The following CRMP1 variants were observed in gnomAD, a reference collection of about 807,000 sequenced individuals.
CRMP1 encodes dihydropyrimidinase-related protein 1.
A neutral mutation model predicts 68.3 loss-of-function variants in CRMP1; 19 were observed. The observed-to-expected ratio is 0.28, with a 90% CI of 0.19 to 0.41. The LOEUF (loss-of-function observed/expected upper bound fraction) is 0.41. Among genes scored for constraint, CRMP1 ranks in the 10% least tolerant of loss-of-function variants. The pLI, the probability that CRMP1 is intolerant of heterozygous loss-of-function variation, is 1.00. For synonymous variants in CRMP1, 439 were observed against 399.6 expected (o/e 1.10, Z -1.18); for missense variants, 791 against 967.4 (o/e 0.82, Z 2.42).
At position 5,860,056 on chromosome 4, in the gene CRMP1, G is replaced by T. The variant is rs1477741970; in HGVS notation, c.655+970C>A. Among the ~76,000 whole-genome samples, 2 of 152,134 alleles carry T rather than the reference G, an allele frequency of 1.3e-5. No homozygotes were observed. ...GGCTGCACAGGGCAATGGAGGAGGA[G>T]TCCAGTTTCCCAGACCGAGCACTGC... On this transcript the variant is annotated intron_variant, in intron 3 of 13. Transcript: ENST00000324989. This position sits in a 1 kb window ranked among gnomAD's most constrained non-coding sequence, Gnocchi z 4.2.
intron 1 of CRMP1, among the ~76,000 whole-genome samples, chr4:5,867,347 T>C (rs1345751321): frequency 6.6e-6 from 1 of 152,178 alleles, no homozygotes; most frequent in Non-Finnish European, 1.5e-5. Context: ...TGGCCCCTCC[T>C]CCCTTTTCAA....
intron 1 of CRMP1, among the ~76,000 whole-genome samples, chr4:5,876,149 T>C (rs1714813694): frequency 7.0e-6 from 1 of 142,062 alleles, no homozygotes; most frequent in South Asian, 2.2e-4. Context: ...TGAGACTCCA[T>C]CTCAAAAAAA....
chr4:5,868,084 C>T (rs1714120483), intron 1 of CRMP1, among the ~76,000 whole-genome samples: 1 of 151,828 alleles, frequency 6.6e-6, no homozygotes, highest in Admixed American at 6.6e-5. Flanking sequence ...CAGCCACAAA[C>T]ATGTTTATGC....
intron 6 of CRMP1, among the ~76,000 whole-genome samples, chr4:5,847,388 G>A (rs963070085): frequency 1.3e-5 from 2 of 152,138 alleles, no homozygotes; most frequent in East Asian, 1.9e-4. Context: ...GCATGGGAGA[G>A]GAACATCAAT....
intron 12 of CRMP1, chr4:5,826,734 C>A (rs1719687435): frequency 6.6e-6 from 1 of 152,478 alleles, no homozygotes; most frequent in African/African-American, 2.4e-5. Flanking sequence ...CCTAACCCAA[C>A]ACGGGGCTTC....
chr4:5,822,550 C>T lies in CRMP1; in HGVS notation c.1970-699G>A, dbSNP rs551329601. Among the ~76,000 whole-genome samples, 8 of 152,098 alleles carry T rather than the reference C, an allele frequency of 5.3e-5. No homozygotes were observed. The South Asian group carries it at 1.7e-3, about 32-fold the overall frequency. On this transcript the variant is annotated intron_variant, in intron 13 of 13. Coordinates refer to ENST00000324989, the MANE Select transcript of CRMP1 (RefSeq NM_001014809.3). ...TTTTAATCTTTCAAAACCAACCATC[C>T]ATTCTACTTTTACCTATTCTCTTGC...
chr4:5,891,175 TACACACACACACACACACAC>T lies in CRMP1; in HGVS notation c.381+1394_381+1413del, dbSNP rs58583102. Among the ~76,000 whole-genome samples, 2 of 131,964 alleles carry T rather than the reference TACACACACACACACACACAC, an allele frequency of 1.5e-5. No individual in the cohort carries two copies. Among genetic ancestry groups the T allele is most frequent in the Non-Finnish European group, 1.6e-5 (1 of 62,782 alleles). 86.6% of individuals were successfully genotyped at this position (131,964 alleles called of 152,430 possible). A position where few individuals can be genotyped will look rare whatever the true frequency, so the allele number is the denominator to read the frequency against. ...TGATCACCCCACCACCACACACACA[TACACACACACACACACACAC>T]ACACACACACACACACACCCTTGCT... On this transcript the variant is annotated intron_variant, in intron 1 of 13. Coordinates refer to ENST00000324989, the MANE Select transcript of CRMP1 (RefSeq NM_001014809.3). This position sits in a 1 kb window ranked among gnomAD's most constrained non-coding sequence, Gnocchi z 5.2.
intron 11 of CRMP1, among the ~76,000 whole-genome samples, chr4:5,833,028 C>T (rs918696592): frequency 6.6e-6 from 1 of 152,158 alleles, no homozygotes; most frequent in Non-Finnish European, 1.5e-5. Flanking sequence ...GGATGCCTTA[C>T]CCGCCATGGA....
At chr4:5,839,200 G>A (rs750931278) in intron 9 of CRMP1, among the ~76,000 whole-genome samples, 4 of 152,212 alleles carry the variant, frequency 2.6e-5, no homozygotes, top group Non-Finnish European at 5.9e-5. Flanking sequence ...TGCCAGGTCC[G>A]GGGTGACACA....
At chr4:5,878,816 A>C (rs1434071056) in intron 1 of CRMP1, among the ~76,000 whole-genome samples, 1 of 151,524 alleles carries the variant, frequency 6.6e-6, no homozygotes, top group South Asian at 2.1e-4. Flanking sequence ...TTTTTTTTTA[A>C]TCCTTGCAAC....
Position 5,855,763 on chromosome 4 carries a change from G to A in CRMP1, c.820+380C>T, listed in dbSNP as rs1713009969. 6.6e-6 allele frequency among the ~76,000 whole-genome samples: 1 copy of A among 152,214 alleles called. No homozygotes were observed. Among genetic ancestry groups the A allele is most frequent in the Non-Finnish European group, 1.5e-5 (1 of 68,038 alleles). On this transcript the variant is annotated intron_variant, in intron 4 of 13. Coordinates refer to ENST00000324989, the MANE Select transcript of CRMP1 (RefSeq NM_001014809.3). This position sits in a 1 kb window ranked among gnomAD's most constrained non-coding sequence, Gnocchi z 4.9. ...AGGTGAGTAGCACTGGGCAGGCAGA[G>A]GAGAAAGGGCATTCATTCCTGGCAG...
rs111722688 is a variant in CRMP1, at chr4:5,853,001, C to T, written c.821-1532G>A. Among the ~76,000 whole-genome samples, 80 of 152,178 alleles carry T rather than the reference C, an allele frequency of 5.3e-4. 1 individual carries two copies. The highest frequency in any genetic ancestry group is 1.7e-3 in the African/African-American group (72 of 41,542). On this transcript the variant is annotated intron_variant, in intron 4 of 13. Coordinates refer to ENST00000324989, the MANE Select transcript of CRMP1 (RefSeq NM_001014809.3). The surrounding 1 kb of genome is among the most constrained non-coding windows in gnomAD (Gnocchi z 4.7). ...GTGCAGGGGGCTGGGGCTCTGGGCC[C>T]CAGGAACTGGAACAAGCCAGTCTGG...
At position 5,853,522 on chromosome 4, in the gene CRMP1, G is replaced by C. The variant is rs995025250; in HGVS notation, c.821-2053C>G. Among the ~76,000 whole-genome samples, 1 of 152,182 alleles carries C rather than the reference G, an allele frequency of 6.6e-6. No homozygotes were observed. Among genetic ancestry groups the C allele is most frequent in the Non-Finnish European group, 1.5e-5 (1 of 68,036 alleles). On this transcript the variant is annotated intron_variant, in intron 4 of 13. Transcript: ENST00000324989. The surrounding 1 kb of genome is among the most constrained non-coding windows in gnomAD (Gnocchi z 4.7). Reference sequence around the variant, plus strand: ...AAATTAGCACAGCCACCTCTATGGGGAACAGTACGGAGGCTCCTCACAAAA... The same window carrying C: ...AAATTAGCACAGCCACCTCTATGGGCAACAGTACGGAGGCTCCTCACAAAA...
intron 8 of CRMP1, 34 bp from the exon 9 acceptor site, chr4:5,839,712 C>T (rs372628236): frequency 4.4e-5 from 70 of 1,585,634 alleles, no homozygotes; most frequent in Non-Finnish European, 6.0e-5. Flanking sequence ...TGGTTAAAAG[C>T]AAATACTCTC....
intron 6 of CRMP1, 46 bp downstream of exon 6, chr4:5,849,346 G>T: frequency 6.8e-7 from 1 of 1,476,402 alleles, no homozygotes; most frequent in Non-Finnish European, 9.4e-7. Flanking sequence ...TTTGCAACAA[G>T]GAGAATCAGA....
At chr4:5,873,075 T>G (rs1714569899) in intron 1 of CRMP1, among the ~76,000 whole-genome samples, 1 of 152,218 alleles carries the variant, frequency 6.6e-6, no homozygotes, top group Admixed American at 6.5e-5. Context: ...CTCCACTCTA[T>G]AAATCATTGT....
Position 5,855,991 on chromosome 4 carries a change from C to A in CRMP1, c.820+152G>T. ...GAAAAGGATGGACTCTGTAAAGGGA[C>A]TGGCCTGTTTCCTCACTGTCACGTG... On this transcript the variant is annotated intron_variant, in intron 4 of 13. Transcript: ENST00000324989. The surrounding 1 kb of genome is among the most constrained non-coding windows in gnomAD (Gnocchi z 4.9). 1.2e-6 allele frequency: 1 copy of A among 834,880 alleles called. No individual in the cohort carries two copies. The highest frequency in any genetic ancestry group is 1.8e-5 in the South Asian group (1 of 55,452). 51.7% of individuals were successfully genotyped at this position (834,880 alleles called of 1,614,324 possible).
At chr4:5,848,659 C>T (rs1454163584) in intron 6 of CRMP1, among the ~76,000 whole-genome samples, 1 of 152,202 alleles carries the variant, frequency 6.6e-6, no homozygotes, top group African/African-American at 2.4e-5. Context: ...TTACAGAATA[C>T]CATAGACTTG....
At chr4:5,862,246 C>T (rs557875717) in intron 2 of CRMP1, among the ~76,000 whole-genome samples, 4 of 152,260 alleles carry the variant, frequency 2.6e-5, no homozygotes, top group African/African-American at 7.2e-5. Flanking sequence ...TCTCCACTGC[C>T]GCTGCTTATA....
Sources: allele counts gnomAD v4.1 joint callset (sites outside exome capture counted in the v4.1 genomes callset), GRCh38; gene constraint gnomAD v4.1.1; non-coding constraint Gnocchi (gnomAD v3.1); transcripts MANE v1.5; gene names NCBI Gene and HGNC (gene_info 2026-07-23, HGNC 2026-07-21).